Variants in PTPRD observed in about 807,000 individuals in gnomAD.
The protein encoded by PTPRD is protein tyrosine phosphatase receptor type D.
Under a neutral mutation model 214.5 loss-of-function variants are expected in PTPRD, and 34 were observed. The ratio of observed to expected loss-of-function variants is 0.16; its 90% CI spans 0.12 to 0.21. The LOEUF (loss-of-function observed/expected upper bound fraction) is 0.21, where lower values mean the gene tolerates loss of function less well. Ranked by LOEUF, PTPRD falls within the 10% of genes least tolerant of loss-of-function variation. The pLI is 1.00. For missense variants in PTPRD, 2,545 were observed against 2,398.7 expected, an observed-to-expected ratio of 1.06 and a Z score of -1.27; for synonymous variants, 1,128 against 845.7, an observed-to-expected ratio of 1.33 and a Z score of -5.79.
intron 11 of PTPRD, among the ~76,000 whole-genome samples, chr9:8,931,538 T>C (rs186343382): frequency 3.2e-4 from 49 of 152,314 alleles, no homozygotes; most frequent in African/African-American, 8.9e-4. Flanking sequence ...ATTGAATCTA[T>C]AAATTACCTT....
chr9:10,589,370 G>T (rs1274305748), intron 2 of PTPRD, among the ~76,000 whole-genome samples: 1 of 151,974 alleles, frequency 6.6e-6, no homozygotes, highest in African/African-American at 2.4e-5. Flanking sequence ...AATTATCAGT[G>T]AAGTGTGGGA....
chr9:9,880,453 T>C (rs1431442524), intron 5 of PTPRD, among the ~76,000 whole-genome samples: 1 of 152,218 alleles, frequency 6.6e-6, no homozygotes, highest in East Asian at 1.9e-4. Flanking sequence ...AAAAATCAGA[T>C]ATCACCATTA....
At chr9:9,178,527 T>C (rs2099926284) in intron 10 of PTPRD, among the ~76,000 whole-genome samples, 1 of 152,136 alleles carries the variant, frequency 6.6e-6, no homozygotes, top group African/African-American at 2.4e-5. Context: ...GTACAAATCA[T>C]GGCCTGGGGT....
intron 2 of PTPRD, among the ~76,000 whole-genome samples, chr9:10,430,885 A>G (rs2098671110): frequency 6.6e-6 from 1 of 151,906 alleles, no homozygotes; most frequent in African/African-American, 2.4e-5. Flanking sequence ...GTGATAAAGA[A>G]AAGTTCAAAA....
intron 14 of PTPRD, among the ~76,000 whole-genome samples, chr9:8,628,166 A>G (rs1445920155): frequency 6.6e-6 from 1 of 151,804 alleles, no homozygotes; most frequent in African/African-American, 2.4e-5. Context: ...CCACTTTATA[A>G]CATAAACGGC....
At chr9:8,846,324 C>T (rs755052849) in intron 11 of PTPRD, among the ~76,000 whole-genome samples, 9 of 152,110 alleles carry the variant, frequency 5.9e-5, no homozygotes, top group Admixed American at 3.9e-4. Flanking sequence ...GAATACTCAA[C>T]GATAACATCC....
chr9:9,282,623 G>C (rs62535764), intron 9 of PTPRD, among the ~76,000 whole-genome samples: 19,786 of 151,230 alleles, frequency 0.13, 1,645 homozygotes, highest in Middle Eastern at 0.21. Flanking sequence ...TGATTATTTT[G>C]TAACTATTTC....
chr9:8,734,997 G>A (rs957278125), intron 11 of PTPRD, among the ~76,000 whole-genome samples: 2 of 152,124 alleles, frequency 1.3e-5, no homozygotes, highest in South Asian at 2.1e-4. Context: ...GGTTTGGTTG[G>A]AATAGGGCCT....
chr9:9,102,221 A>G (rs2099792361), intron 10 of PTPRD, among the ~76,000 whole-genome samples: 2 of 152,184 alleles, frequency 1.3e-5, no homozygotes, highest in African/African-American at 4.8e-5. Flanking sequence ...TTCATTTTTG[A>G]GAAAGAAAAT....
intron 14 of PTPRD, among the ~76,000 whole-genome samples, chr9:8,607,802 T>G (rs1210790813): frequency 1.3e-5 from 2 of 152,150 alleles, no homozygotes; most frequent in Admixed American, 6.5e-5. Flanking sequence ...TAAACACAAA[T>G]ATTTATTTTA....
intron 10 of PTPRD, among the ~76,000 whole-genome samples, chr9:9,171,470 G>A (rs1264040918): frequency 6.6e-6 from 1 of 151,670 alleles, no homozygotes; most frequent in Non-Finnish European, 1.5e-5. Flanking sequence ...AAGAGAAAGA[G>A]CATGAAAAAA....
chr9:8,523,558 A>T (rs370448908), intron 18 of PTPRD, 34 bp from the exon 19 acceptor site: 1 of 1,611,920 alleles, frequency 6.2e-7, no homozygotes, highest in Non-Finnish European at 8.5e-7. Flanking sequence ...GCAGAACACA[A>T]TGAAATGAGG....
chr9:8,576,993 C>T (rs12686704), intron 14 of PTPRD, among the ~76,000 whole-genome samples: 2 of 152,282 alleles, frequency 1.3e-5, no homozygotes, highest in East Asian at 3.9e-4. Flanking sequence ...ACCCTCCAAT[C>T]CATTCTCCTT....
chr9:9,801,635 T>G (rs1213530857), intron 5 of PTPRD, among the ~76,000 whole-genome samples: 3 of 152,204 alleles, frequency 2.0e-5, no homozygotes, highest in South Asian at 4.1e-4. Context: ...ATTCTGAAAA[T>G]TCATTTTATT....
chr9:9,604,356 G>C (rs535352142), intron 7 of PTPRD, among the ~76,000 whole-genome samples: 4 of 151,762 alleles, frequency 2.6e-5, no homozygotes, highest in Non-Finnish European at 5.9e-5. Context: ...CTTAAGCAAG[G>C]GTATAAGCAT....
chr9:10,450,678 C>A (rs2098835609), intron 2 of PTPRD, among the ~76,000 whole-genome samples: 1 of 151,964 alleles, frequency 6.6e-6, no homozygotes, highest in African/African-American at 2.4e-5. Context: ...AATGTGCTTT[C>A]CTCAGTCCGT....
At chr9:9,202,665 G>A (rs1396012323) in intron 9 of PTPRD, among the ~76,000 whole-genome samples, 1 of 152,146 alleles carries the variant, frequency 6.6e-6, no homozygotes, top group Non-Finnish European at 1.5e-5. Context: ...TGAATTAGCA[G>A]TATGAATGAC....
At chr9:9,781,403 C>T (rs1025565147) in intron 5 of PTPRD, among the ~76,000 whole-genome samples, 2 of 152,078 alleles carry the variant, frequency 1.3e-5, no homozygotes, top group Middle Eastern at 3.4e-3. Flanking sequence ...CGCAAAAATG[C>T]TCAAGTTAAA....
At chr9:8,666,311 T>C (rs1189624432) in intron 12 of PTPRD, among the ~76,000 whole-genome samples, 2 of 152,202 alleles carry the variant, frequency 1.3e-5, no homozygotes, top group Non-Finnish European at 2.9e-5. Flanking sequence ...CAACATTCAA[T>C]GCAGGATAAA....
Sources: allele counts gnomAD v4.1 joint callset (sites outside exome capture counted in the v4.1 genomes callset), GRCh38; gene constraint gnomAD v4.1.1; transcripts MANE v1.5; gene names NCBI Gene and HGNC (gene_info 2026-07-23, HGNC 2026-07-21).